Variants in ATP7A observed in about 807,000 individuals in gnomAD.
ATP7A encodes the protein ATPase copper transporting alpha.
In ATP7A, 7 loss-of-function variants were observed where a neutral mutation model predicts 83.5. That is an observed-to-expected ratio of 0.08 (90% CI 0.05 to 0.16). The LOEUF is 0.16. ATP7A is among the 10% of genes least tolerant of loss of function. ATP7A has a pLI of 1.00. For synonymous variants in ATP7A, 354 were observed against 395.2 expected (o/e 0.90, Z 1.24); for missense variants, 940 against 1,120.8 (o/e 0.84, Z 2.30).
chrX:78,008,461 A>C (rs372760934), intron 6 of ATP7A, among the ~76,000 whole-genome samples: 1 of 111,426 alleles, frequency 9.0e-6, no homozygotes, highest in African/African-American at 3.3e-5. Context: ...ACAAAGTCAA[A>C]ACACTTTTGC....
chrX:78,019,440 GTTTC>G (rs1253709718), intron 12 of ATP7A, among the ~76,000 whole-genome samples: 5 of 111,624 alleles, frequency 4.5e-5, no homozygotes, highest in Admixed American at 3.8e-4. Flanking sequence ...AGGACTGTGT[GTTTC>G]TTTCTTTCTT....
chrX:77,961,689 C>T (rs973092679), intron 1 of ATP7A, among the ~76,000 whole-genome samples: 26 of 110,632 alleles, frequency 2.4e-4, no homozygotes, highest in African/African-American at 8.6e-4. Flanking sequence ...ATTTTTATAC[C>T]CTTGTACTGC....
intron 12 of ATP7A, among the ~76,000 whole-genome samples, chrX:78,017,932 C>T (rs782616239): frequency 1.4e-4 from 15 of 107,639 alleles, no homozygotes; most frequent in African/African-American, 4.4e-4. Flanking sequence ...CCCGCCACCA[C>T]GCCTGGCTAA....
chrX:77,991,733 A>T (rs1417837129), intron 4 of ATP7A, among the ~76,000 whole-genome samples: 4 of 111,126 alleles, frequency 3.6e-5, no homozygotes, highest in African/African-American at 6.5e-5. Context: ...TTTTTAAATT[A>T]GAATCTGGCC....
chrX:77,937,912 T>C (rs199525218), intron 1 of ATP7A, among the ~76,000 whole-genome samples: 56 of 95,199 alleles, frequency 5.9e-4, no homozygotes, highest in African/African-American at 1.8e-3. Flanking sequence ...CACACACACA[T>C]ACACACACAC....
At chrX:77,916,402 C>T (rs373552210) in intron 1 of ATP7A, among the ~76,000 whole-genome samples, 23 of 107,110 alleles carry the variant, frequency 2.1e-4, no homozygotes, top group African/African-American at 7.8e-4. Context: ...ATGGAAAACT[C>T]AGATTGAGAG....
chrX:77,980,076 G>A (rs1195425660), intron 2 of ATP7A, among the ~76,000 whole-genome samples: 4 of 112,281 alleles, frequency 3.6e-5, no homozygotes, highest in Non-Finnish European at 7.5e-5. Context: ...AGTACTGAAT[G>A]ATTCCAAAGG....
intron 1 of ATP7A, among the ~76,000 whole-genome samples, chrX:77,932,660 CG>C (rs1292429153): frequency 1.8e-5 from 2 of 111,430 alleles, no homozygotes; most frequent in African/African-American, 6.5e-5. Flanking sequence ...CCCGGCACCT[CG>C]GGAGGCCGAG....
chrX:78,045,385 AAG>A, intron 21 of ATP7A, 83 bp from the exon 22 acceptor site: 1 of 859,700 alleles, frequency 1.2e-6, no homozygotes, highest in Admixed American at 2.3e-5. Flanking sequence ...GTATCAAACA[AAG>A]AAATGATTTG....
chrX:78,033,272 A>AT (rs1557237375), intron 16 of ATP7A, among the ~76,000 whole-genome samples: 1 of 111,166 alleles, frequency 9.0e-6, no homozygotes, highest in Non-Finnish European at 1.9e-5. Flanking sequence ...ACCTGGCTAA[A>AT]TTTTTTTGCA....
chrX:78,041,078 A>T (rs995438273), intron 19 of ATP7A, among the ~76,000 whole-genome samples: 6 of 110,773 alleles, frequency 5.4e-5, no homozygotes, highest in African/African-American at 2.0e-4. Context: ...ATAGCTCCAC[A>T]CACATCCCTC....
intron 5 of ATP7A, among the ~76,000 whole-genome samples, chrX:77,998,985 T>A (rs1446299615): frequency 9.1e-6 from 1 of 110,456 alleles, no homozygotes; most frequent in African/African-American, 3.3e-5. Context: ...TGTGTTGGAT[T>A]TTAAGGAACA....
chrX:78,008,191 C>G (rs782496209), intron 6 of ATP7A, among the ~76,000 whole-genome samples: 5 of 111,822 alleles, frequency 4.5e-5, no homozygotes, highest in Admixed American at 9.6e-5. Flanking sequence ...CTTACTGCAC[C>G]ATTTGCACTG....
intron 1 of ATP7A, among the ~76,000 whole-genome samples, chrX:77,957,582 A>G (rs1375598846): frequency 9.2e-6 from 1 of 109,196 alleles, no homozygotes; most frequent in African/African-American, 3.3e-5. Context: ...CATTCTGTAG[A>G]TTGTCTCTTT....
Position 78,020,329 on chromosome X carries a change from A to C in ATP7A, c.2712A>C (p.Ala904=), listed in dbSNP as rs1396353749. The part of the protein sequence containing the change: ...INQNGSLLIC[A]THVGADTTLS... ...AGAACGGGTCACTGCTTATCTGCGC[A>C]ACACATGTTGGAGCAGACACAACCC... The change falls in exon 13 of 23, where the codon GCA becomes GCC. Residue 904 remains alanine (A), a synonymous_variant. Transcript: ENST00000341514. The C allele has an allele frequency of 8.3e-6, 10 of 1,210,095 alleles. No homozygotes were observed. The highest frequency in any genetic ancestry group is 1.0e-5 in the Non-Finnish European group (9 of 895,092).
At chrX:77,928,526 G>C (rs2077255310) in intron 1 of ATP7A, among the ~76,000 whole-genome samples, 1 of 110,833 alleles carries the variant, frequency 9.0e-6, no homozygotes, top group Non-Finnish European at 1.9e-5. Flanking sequence ...GGGGCAGAGA[G>C]GTCCTTTCCA....
At chrX:77,920,849 G>T (rs5913599) in intron 1 of ATP7A, among the ~76,000 whole-genome samples, 56,836 of 109,996 alleles carry the variant, frequency 0.52, 12,882 homozygotes, top group Non-Finnish European at 0.68. Flanking sequence ...TTACTGGGTC[G>T]AATTGAGTTC....
intron 14 of ATP7A, among the ~76,000 whole-genome samples, chrX:78,026,677 C>T (rs782383904): frequency 8.9e-6 from 1 of 111,746 alleles, no homozygotes; most frequent in Non-Finnish European, 1.9e-5. Flanking sequence ...CATTGATCAT[C>T]GGCTTGATCA....
chrX:77,924,342 C>T (rs1399035194), intron 1 of ATP7A: 7 of 112,103 alleles, frequency 6.2e-5, no homozygotes, highest in Non-Finnish European at 1.3e-4. Context: ...TGAATTAGCA[C>T]ACAGTTTATT....
Sources: allele counts gnomAD v4.1 joint callset (sites outside exome capture counted in the v4.1 genomes callset), GRCh38; gene constraint gnomAD v4.1.1; transcripts MANE v1.5; gene names NCBI Gene and HGNC (gene_info 2026-07-23, HGNC 2026-07-21).